GRIN2B: variants seen among roughly 807,000 people sequenced by gnomAD.
GRIN2B encodes the protein glutamate receptor ionotropic, NMDA 2B.
Under a neutral mutation model 114.5 loss-of-function variants are expected in GRIN2B, and 5 were observed. The ratio of observed to expected loss-of-function variants is 0.04; its 90% CI spans 0.02 to 0.09. The LOEUF is 0.09. GRIN2B is among the 10% of genes least tolerant of loss of function. The pLI is 1.00. For synonymous variants in GRIN2B, 787 were observed against 745.1 expected (o/e 1.06, Z -0.92); for missense variants, 1,108 against 1,943.5 (o/e 0.57, Z 8.08).
At chr12:13,835,706 G>A (rs1038583664) in intron 3 of GRIN2B, among the ~76,000 whole-genome samples, 1 of 148,494 alleles carries the variant, frequency 6.7e-6, no homozygotes, top group Non-Finnish European at 1.5e-5. Context: ...AGCATTCTCA[G>A]GGAGAAAGGC....
At chr12:13,771,853 A>C (rs911140323) in intron 3 of GRIN2B, among the ~76,000 whole-genome samples, 4 of 152,238 alleles carry the variant, frequency 2.6e-5, no homozygotes, top group Middle Eastern at 3.2e-3. Context: ...ATATCTGATC[A>C]AAAACACAGC....
intron 4 of GRIN2B, among the ~76,000 whole-genome samples, chr12:13,676,517 T>C (rs1245486459): frequency 1.3e-5 from 2 of 152,084 alleles, no homozygotes; most frequent in Non-Finnish European, 2.9e-5. Flanking sequence ...GGGGATAACT[T>C]AGGTTAACCA....
chr12:13,619,727 T>C (rs921364809), intron 5 of GRIN2B, among the ~76,000 whole-genome samples: 1 of 152,206 alleles, frequency 6.6e-6, no homozygotes, highest in Admixed American at 6.5e-5. Context: ...GTAATCTCAT[T>C]ATATCACAGT....
intron 10 of GRIN2B, among the ~76,000 whole-genome samples, chr12:13,605,551 T>TCTCTCTCA: frequency 9.9e-5 from 3 of 30,440 alleles, no homozygotes; most frequent in African/African-American, 2.1e-4. Flanking sequence ...TCTCTCTCTC[T>TCTCTCTCA]GACACACACA....
intron 4 of GRIN2B, among the ~76,000 whole-genome samples, chr12:13,727,189 G>A (rs11055605): frequency 0.34 from 52,216 of 151,902 alleles, 10,052 homozygotes; most frequent in East Asian, 0.59. Context: ...TTATAAATAA[G>A]GAGAGTAAGA....
rs548713319 is a variant in GRIN2B at position 13,607,806 on chromosome 12, C to T, written c.2010+797G>A. ...GAAAATTTGTTGTAAGCGCAAGTCT[C>T]CAAAATTATTTTGGCCATAAGCTTT... On this transcript the variant is annotated intron_variant, in intron 10 of 13. Transcript: ENST00000609686. Among the ~76,000 whole-genome samples the T allele has an allele frequency of 6.6e-5, 10 of 152,068 alleles. No individual in the cohort carries two copies. The South Asian group carries it at 1.9e-3, about 28-fold the overall frequency.
chr12:13,897,964 C>T (rs1035396511), intron 2 of GRIN2B, among the ~76,000 whole-genome samples: 7 of 150,116 alleles, frequency 4.7e-5, no homozygotes, highest in South Asian at 2.1e-4. Flanking sequence ...ACATTCTGCA[C>T]ATGTACCCTA....
intron 5 of GRIN2B, among the ~76,000 whole-genome samples, chr12:13,636,587 G>T (rs1189807058): frequency 1.3e-5 from 2 of 152,064 alleles, no homozygotes; most frequent in African/African-American, 2.4e-5. Flanking sequence ...GAGATAAGAG[G>T]ATTTGCTAAT....
Position 13,599,329 on chromosome 12 carries a change from C to T in GRIN2B, c.2010+9274G>A, listed in dbSNP as rs150654325. Among the ~76,000 whole-genome samples the T allele has an allele frequency of 4.2e-4, 64 of 152,294 alleles. No homozygotes were observed. In the East Asian group the frequency reaches 0.012, roughly 28 times the overall value. On this transcript the variant is annotated intron_variant, in intron 10 of 13. Transcript: ENST00000609686. ...TTCCAAAAATATAGCAGGCTGCACA[C>T]CTTTTCCACTCTTGCCACCATTACA...
At chr12:13,774,518 T>C (rs140157269) in intron 3 of GRIN2B, among the ~76,000 whole-genome samples, 261 of 152,312 alleles carry the variant, frequency 1.7e-3, no homozygotes, top group Non-Finnish European at 2.7e-3. Flanking sequence ...CAGGCCTCAA[T>C]TGAGGACAGG....
At chr12:13,884,301 T>A (rs1240912209) in intron 2 of GRIN2B, among the ~76,000 whole-genome samples, 1 of 152,148 alleles carries the variant, frequency 6.6e-6, no homozygotes, top group African/African-American at 2.4e-5. Context: ...TTTTGTTGAA[T>A]CTACAAAAAT....
At chr12:13,843,855 C>T (rs1865427639) in intron 3 of GRIN2B, among the ~76,000 whole-genome samples, 1 of 152,170 alleles carries the variant, frequency 6.6e-6, no homozygotes, top group Admixed American at 6.5e-5. Flanking sequence ...ATGCTTGTCT[C>T]TTTCTGTTTG....
At chr12:13,592,475 C>A (rs1949021143) in intron 10 of GRIN2B, among the ~76,000 whole-genome samples, 1 of 152,218 alleles carries the variant, frequency 6.6e-6, no homozygotes, top group South Asian at 2.1e-4. Context: ...TGCAATGCAC[C>A]TTTCTTAGTT....
At chr12:13,879,456 A>G (rs1253542391) in intron 2 of GRIN2B, among the ~76,000 whole-genome samples, 1 of 152,218 alleles carries the variant, frequency 6.6e-6, no homozygotes, top group African/African-American at 2.4e-5. Flanking sequence ...TGATATTGCA[A>G]AGAAATATAT....
In GRIN2B at chr12:13,866,023, G is replaced by C; in HGVS notation, c.186C>G (p.Leu62=). 6.2e-7 allele frequency: 1 copy of C among 1,613,982 alleles called. No individual in the cohort carries two copies. The highest frequency in any genetic ancestry group is 8.5e-7 in the Non-Finnish European group (1 of 1,179,900). The change falls in exon 3 of 14, where the codon CTC becomes CTG. Residue 62 remains leucine, a synonymous_variant. Coordinates refer to ENST00000609686, the MANE Select transcript of GRIN2B (RefSeq NM_000834.5). The stretch of plus-strand genomic sequence containing the variant: ...CCAGTTCCACCCGGGGTACCACGGA[G>C]AGATGGTGGAAATCATCTTTCTCGT... ...DAHEKDDFHH[L]SVVPRVELVA...
intron 5 of GRIN2B, among the ~76,000 whole-genome samples, chr12:13,659,625 ATTT>A (rs200972255): frequency 6.6e-6 from 1 of 152,048 alleles, no homozygotes; most frequent in Non-Finnish European, 1.5e-5. Context: ...CACCTAGACA[ATTT>A]TTTTAAAAAA....
At chr12:13,922,574 C>T (rs1373519394) in intron 2 of GRIN2B, among the ~76,000 whole-genome samples, 1 of 152,178 alleles carries the variant, frequency 6.6e-6, no homozygotes, top group African/African-American at 2.4e-5. Flanking sequence ...GAATAATTAT[C>T]AACGATAATG....
At chr12:13,856,146 G>A (rs1026834270) in intron 3 of GRIN2B, among the ~76,000 whole-genome samples, 2 of 152,184 alleles carry the variant, frequency 1.3e-5, no homozygotes, top group East Asian at 3.9e-4. Flanking sequence ...AGTGGACAAG[G>A]GGTGGGCAAG....
At chr12:13,838,567 C>A (rs188250645) in intron 3 of GRIN2B, among the ~76,000 whole-genome samples, 1 of 152,268 alleles carries the variant, frequency 6.6e-6, no homozygotes, top group Non-Finnish European at 1.5e-5. Flanking sequence ...CCTACACTAT[C>A]TGTCTCTTCC....
Sources: gnomAD v4.1 joint callset for allele counts (sites outside exome capture counted in the v4.1 genomes callset) on GRCh38, gnomAD v4.1.1 for gene constraint, MANE v1.5 for transcripts, NCBI Gene and HGNC (gene_info 2026-07-23, HGNC 2026-07-21) for gene names.